BRIP1: variants seen among roughly 807,000 people sequenced by gnomAD.
The protein encoded by BRIP1 is Fanconi anemia group J protein.
BRIP1 carries 88 observed loss-of-function variants against 119.7 expected under a neutral mutation model. That is an observed-to-expected ratio of 0.74 (90% CI 0.62 to 0.88). The LOEUF is 0.88. Ranked by LOEUF, BRIP1 falls within the 40% of genes least tolerant of loss-of-function variation. The pLI is 0.00. For missense variants in BRIP1, 1,259 were observed against 1,455.4 expected (o/e 0.87, Z 2.20); for synonymous variants, 443 against 496.5 (o/e 0.89, Z 1.43).
chr17:61,747,292 A>G (rs1023621553), intron 14 of BRIP1, among the ~76,000 whole-genome samples: 1 of 152,142 alleles, frequency 6.6e-6, no homozygotes, highest in Non-Finnish European at 1.5e-5. Flanking sequence ...AAGTAAATAC[A>G]AAGTTTGCAG....
In BRIP1 at chr17:61,776,480, T is replaced by C. The variant is rs786203619; in HGVS notation, c.2018A>G (p.Gln673Arg). 3.7e-6 allele frequency: 6 copies of C among 1,614,188 alleles called. No individual in the cohort carries two copies. Among genetic ancestry groups the C allele is most frequent in the Non-Finnish European group, 5.1e-6 (6 of 1,180,026 alleles). The change falls in exon 14 of 20, where the codon CAA (glutamine) becomes CGA (arginine). Residue 673 changes from glutamine (Q) to arginine (R), a missense_variant. Coordinates refer to ENST00000259008, the MANE Select transcript of BRIP1 (RefSeq NM_032043.3). The surrounding 1 kb of genome is among the most constrained non-coding windows in gnomAD (Gnocchi z 5.0). Reference sequence around the variant, plus strand: ...TAACAAAAGTGCTCCCACTTCATCTTGGAACTCAAATGTTTCAGTATTCTG... The same window carrying C: ...TAACAAAAGTGCTCCCACTTCATCTCGGAACTCAAATGTTTCAGTATTCTG... ...TFQNTETFEF[Q>R]DEVGALLLSV...
intron 16 of BRIP1, among the ~76,000 whole-genome samples, chr17:61,732,966 T>A (rs2076869643): frequency 6.6e-6 from 1 of 152,206 alleles, no homozygotes; most frequent in Non-Finnish European, 1.5e-5. Context: ...AGTGCTGGGA[T>A]AACAGGCATA....
rs992714415 is a variant in BRIP1 at position 61,691,968 on chromosome 17, C to T, written c.2575+1462G>A. Among the ~76,000 whole-genome samples the T allele has an allele frequency of 2.6e-5, 4 of 152,166 alleles. No homozygotes were observed. The highest frequency in any genetic ancestry group is 7.2e-5 in the African/African-American group (3 of 41,446). ...AGCAGATCCACACATATATGGTCAG[C>T]GGATCTTCAACAGGGTGTCATTGGG... On this transcript the variant is annotated intron_variant, in intron 18 of 19. Transcript: ENST00000259008. This position sits in a 1 kb window ranked among gnomAD's most constrained non-coding sequence, Gnocchi z 5.0.
intron 11 of BRIP1, among the ~76,000 whole-genome samples, chr17:61,782,725 AG>A (rs927330363): frequency 2.7e-5 from 4 of 148,194 alleles, no homozygotes; most frequent in African/African-American, 7.5e-5. Context: ...CTCCAAAAAA[AG>A]ACATACAATT....
intron 6 of BRIP1, among the ~76,000 whole-genome samples, chr17:61,836,456 A>G (rs1354972303): frequency 6.6e-6 from 1 of 152,168 alleles, no homozygotes; most frequent in Non-Finnish European, 1.5e-5. Flanking sequence ...CCTGTATTTA[A>G]CAATACTGTC....
rs1010163973 is a variant in BRIP1, at chr17:61,691,099, G to T, written c.2575+2331C>A. ...GGGCCTGTTGTGGGGTGGGGGGAGA[G>T]GGGGGAGGGATAGCATTAGGAGATA... is the stretch of plus-strand genomic sequence containing the variant. On this transcript the variant is annotated intron_variant, in intron 18 of 19. Transcript: ENST00000259008. The surrounding 1 kb of genome is among the most constrained non-coding windows in gnomAD (Gnocchi z 5.0). Among the ~76,000 whole-genome samples the T allele has an allele frequency of 6.7e-6, 1 of 148,950 alleles. No individual in the cohort carries two copies. The highest frequency in any genetic ancestry group is 2.0e-4 in the East Asian group (1 of 5,082).
Position 61,807,760 on chromosome 17 carries a change from C to A in BRIP1, c.918+707G>T, listed in dbSNP as rs2078095712. On this transcript the variant is annotated intron_variant, in intron 7 of 19. Transcript: ENST00000259008. The surrounding 1 kb of genome is among the most constrained non-coding windows in gnomAD (Gnocchi z 4.5). ...ATTTGGGGGTATAATTTCATACTTG[C>A]AACTTCAATTTTAGAGTAAACTAAT... Among the ~76,000 whole-genome samples, 1 of 152,032 alleles carries A rather than the reference C, an allele frequency of 6.6e-6. No individual in the cohort carries two copies. Among genetic ancestry groups the A allele is most frequent in the Admixed American group, 6.6e-5 (1 of 15,254 alleles).
chr17:61,716,699 C>T (rs1414804711), intron 16 of BRIP1, among the ~76,000 whole-genome samples: 1 of 94,024 alleles, frequency 1.1e-5, no homozygotes, highest in African/African-American at 5.1e-5. Context: ...TTAAGACTAC[C>T]ACCTTGCTTC....
In BRIP1 at chr17:61,770,730, C is replaced by A. The variant is rs1395559374; in HGVS notation, c.2097+5671G>T. On this transcript the variant is annotated intron_variant, in intron 14 of 19. Transcript: ENST00000259008. This position sits in a 1 kb window ranked among gnomAD's most constrained non-coding sequence, Gnocchi z 4.7. The stretch of plus-strand genomic sequence containing the variant: ...ATGTTAAATATAATTCCTAGGACAA[C>A]CACTAAGAAAATAACTAAAAAATAC... Among the ~76,000 whole-genome samples, 1 of 151,670 alleles carries A rather than the reference C, an allele frequency of 6.6e-6. No homozygotes were observed. Among genetic ancestry groups the A allele is most frequent in the Non-Finnish European group, 1.5e-5 (1 of 67,910 alleles).
At position 61,808,680 on chromosome 17, in the gene BRIP1, C is replaced by T. The variant is rs1332585999; in HGVS notation, c.705G>A (p.Lys235=). The T allele has an allele frequency of 6.2e-7, 1 of 1,613,756 alleles. No homozygotes were observed. Among genetic ancestry groups the T allele is most frequent in the Non-Finnish European group, 8.5e-7 (1 of 1,179,824 alleles). The part of the protein sequence containing the change: ...NSQESSNTIK[K]DHTGKSKIPK... ...GTATCTTGGATTTCCCTGTATGATC[C>T]TTCTTAATGGTATTCGATGACTCTT... The change falls in exon 7 of 20, where the codon AAG becomes AAA. Residue 235 remains lysine (K), a synonymous_variant. Coordinates refer to ENST00000259008, the MANE Select transcript of BRIP1 (RefSeq NM_032043.3). The surrounding 1 kb of genome is among the most constrained non-coding windows in gnomAD (Gnocchi z 4.1).
chr17:61,828,930 T>C lies in BRIP1; in HGVS notation c.627+18171A>G, dbSNP rs1309463539. On this transcript the variant is annotated intron_variant, in intron 6 of 19. Transcript: ENST00000259008. This position sits in a 1 kb window ranked among gnomAD's most constrained non-coding sequence, Gnocchi z 4.1. ...TTATTTGAAGGTACACTGTGATAAGTTTAAGATGCAAAGTATGAAGCAACT... is the reference window on the plus strand; with the variant it reads ...TTATTTGAAGGTACACTGTGATAAGCTTAAGATGCAAAGTATGAAGCAACT... Among the ~76,000 whole-genome samples, 1 of 152,138 alleles carries C rather than the reference T, an allele frequency of 6.6e-6. No homozygotes were observed. Among genetic ancestry groups the C allele is most frequent in the Non-Finnish European group, 1.5e-5 (1 of 67,990 alleles).
At position 61,776,680 on chromosome 17, in the gene BRIP1, T is replaced by C; in HGVS notation, c.1936-118A>G. The C allele has an allele frequency of 8.9e-7, 1 of 1,122,460 alleles. No individual in the cohort carries two copies. 69.5% of individuals were successfully genotyped at this position (1,122,460 alleles called of 1,614,324 possible). On this transcript the variant is annotated intron_variant, in intron 13 of 19. Transcript: ENST00000259008. The surrounding 1 kb of genome is among the most constrained non-coding windows in gnomAD (Gnocchi z 5.0). The stretch of plus-strand genomic sequence containing the variant: ...ACAAGTTTAACAATTTATTTTTAAA[T>C]TGTCAGGGGGTTTTCTATTACCTTC...
chr17:61,769,567 C>T lies in BRIP1; in HGVS notation c.2097+6834G>A, dbSNP rs2077418592. ...GCTCTTATGACTAGATTCTGAAACT[C>T]AGTAGCAAATTTATTTTTGCCAATT... is the stretch of plus-strand genomic sequence containing the variant. On this transcript the variant is annotated intron_variant, in intron 14 of 19. Coordinates refer to ENST00000259008, the MANE Select transcript of BRIP1 (RefSeq NM_032043.3). The surrounding 1 kb of genome is among the most constrained non-coding windows in gnomAD (Gnocchi z 4.9). Among the ~76,000 whole-genome samples, 1 of 152,194 alleles carries T rather than the reference C, an allele frequency of 6.6e-6. No individual in the cohort carries two copies. Among genetic ancestry groups the T allele is most frequent in the Non-Finnish European group, 1.5e-5 (1 of 68,034 alleles).
At chr17:61,696,082 T>A (rs534796547) in intron 17 of BRIP1, among the ~76,000 whole-genome samples, 44 of 152,254 alleles carry the variant, frequency 2.9e-4, no homozygotes, top group African/African-American at 1.0e-3. Context: ...TAAGATTAAG[T>A]ATGATGTTAG....
In BRIP1 at chr17:61,841,785, G is replaced by A. The variant is rs1393628888; in HGVS notation, c.627+5316C>T. ...CTGAAACTCCTAGAGTCAAGTGATCGCCCATGCCTCAGCCTCCCAAGTAGC... is the reference window on the plus strand; with the variant it reads ...CTGAAACTCCTAGAGTCAAGTGATCACCCATGCCTCAGCCTCCCAAGTAGC... On this transcript the variant is annotated intron_variant, in intron 6 of 19. Coordinates refer to ENST00000259008, the MANE Select transcript of BRIP1 (RefSeq NM_032043.3). This position sits in a 1 kb window ranked among gnomAD's most constrained non-coding sequence, Gnocchi z 4.1. Among the ~76,000 whole-genome samples the A allele has an allele frequency of 2.0e-5, 3 of 152,104 alleles. No homozygotes were observed. The highest frequency in any genetic ancestry group is 2.1e-4 in the South Asian group (1 of 4,812).
At chr17:61,836,108 C>CTTT (rs71153409) in intron 6 of BRIP1, among the ~76,000 whole-genome samples, 1 of 79,088 alleles carries the variant, frequency 1.3e-5, no homozygotes, top group Admixed American at 1.5e-4. Context: ...TGTTATTACT[C>CTTT]TTTTTTTTTT....
rs2061268521 is a variant in BRIP1, at chr17:61,681,427, A to C, written c.*1869T>G. 1 of 211,860 alleles carries C rather than the reference A, an allele frequency of 4.7e-6. No homozygotes were observed. Among genetic ancestry groups the C allele is most frequent in the Non-Finnish European group, 9.6e-6 (1 of 104,542 alleles). 13.1% of individuals were successfully genotyped at this position (211,860 alleles called of 1,614,324 possible). A position where few individuals can be genotyped will look rare whatever the true frequency, so the allele number is the denominator to read the frequency against. ...CTAACCGCTGCATTTTACAGATGAA[A>C]CTAATTCCCTGAAGGGTGTGGTGAT... On this transcript the variant is annotated 3_prime_UTR_variant, in exon 20 of 20. Transcript: ENST00000259008. This position sits in a 1 kb window ranked among gnomAD's most constrained non-coding sequence, Gnocchi z 5.1.
At chr17:61,835,167 T>G (rs2078553430) in intron 6 of BRIP1, among the ~76,000 whole-genome samples, 1 of 152,204 alleles carries the variant, frequency 6.6e-6, no homozygotes, top group African/African-American at 2.4e-5. Flanking sequence ...AATATAAAAT[T>G]TAATTCAATA....
chr17:61,829,928 CT>C (rs59921365), intron 6 of BRIP1, among the ~76,000 whole-genome samples: 21,243 of 147,444 alleles, frequency 0.14, 2,043 homozygotes, highest in East Asian at 0.57. Context: ...AAGTTTCAAT[CT>C]TTTTTTTTTT....
Sources: allele counts gnomAD v4.1 joint callset (sites outside exome capture counted in the v4.1 genomes callset), GRCh38; gene constraint gnomAD v4.1.1; non-coding constraint Gnocchi (gnomAD v3.1); transcripts MANE v1.5; gene names NCBI Gene and HGNC (gene_info 2026-07-23, HGNC 2026-07-21).